Variants in ZNF28 observed in about 807,000 individuals in gnomAD.
ZNF28 encodes the protein zinc finger protein KOX24.
A neutral mutation model predicts 7.2 loss-of-function variants in ZNF28; 5 were observed. The observed-to-expected ratio is 0.70, with a 90% CI of 0.36 to 1.46. ZNF28 has a LOEUF of 1.46. Among genes scored for constraint, ZNF28 ranks in the 40% most tolerant of loss-of-function variants. ZNF28 has a pLI of 0.03. For missense variants in ZNF28, 879 were observed against 866.6 expected (o/e 1.01, Z -0.18); for synonymous variants, 288 against 292.4 (o/e 0.99, Z 0.15).
intron 1 of ZNF28, among the ~76,000 whole-genome samples, chr19:52,819,319 T>C (rs1476959242): frequency 7.0e-6 from 1 of 143,634 alleles, no homozygotes; most frequent in Non-Finnish European, 1.5e-5. Flanking sequence ...GATGTAGCTG[T>C]GATATTCTAA....
intron 2 of ZNF28, chr19:52,810,724 GGA>G (rs1461274734): frequency 4.2e-6 from 3 of 713,294 alleles, no homozygotes; most frequent in Non-Finnish European, 7.5e-6. Flanking sequence ...ATGTGTATTA[GGA>G]GAGAGAGGAA....
intron 2 of ZNF28, chr19:52,810,514 C>T (rs2063006078): frequency 6.3e-7 from 1 of 1,591,276 alleles, no homozygotes; most frequent in African/African-American, 1.3e-5. Context: ...GAAGGCAAAT[C>T]AAGGTGATCC....
chr19:52,818,885 GAA>G lies in ZNF28; in HGVS notation c.-73-856_-73-855del, dbSNP rs561203089. ...GAGGACAGAATGAGAGTCTGTTTGG[GAA>G]AAAAAAAAAAAAAAAAAGTGCATTT... On this transcript the variant is annotated intron_variant, in intron 1 of 3. Transcript: ENST00000457749. Among the ~76,000 whole-genome samples, 606 of 114,328 alleles carry G rather than the reference GAA, an allele frequency of 5.3e-3. 50 individuals carry two copies. Among genetic ancestry groups the G allele is most frequent in the African/African-American group, 0.022 (569 of 26,200 alleles). The allele number at this position is 114,328 out of a possible 152,430, so 75.0% of individuals were successfully genotyped here.
chr19:52,807,024 CAG>C (rs1423618235), intron 3 of ZNF28, among the ~76,000 whole-genome samples: 2 of 152,190 alleles, frequency 1.3e-5, no homozygotes, highest in Admixed American at 6.5e-5. Context: ...CTCCCACTTG[CAG>C]AGAGTTTCCC....
At chr19:52,802,243 C>T (rs923832517) in intron 3 of ZNF28, among the ~76,000 whole-genome samples, 2 of 152,126 alleles carry the variant, frequency 1.3e-5, no homozygotes, top group Non-Finnish European at 2.9e-5. Flanking sequence ...GTGGCCCGTG[C>T]CTGTACTCAC....
chr19:52,799,442 T>C lies in ZNF28; in HGVS notation c.*246A>G, dbSNP rs142480960. On this transcript the variant is annotated 3_prime_UTR_variant, in exon 4 of 4. Coordinates refer to ENST00000457749, the MANE Select transcript of ZNF28 (RefSeq NM_006969.5). ...TGTCACATTCTTCCTATTTGTAAAG[T>C]TTCTCTGCAGTATGAATTCTATGAT... 10 of 777,014 alleles carry C rather than the reference T, an allele frequency of 1.3e-5. No individual in the cohort carries two copies. Among genetic ancestry groups the C allele is most frequent in the African/African-American group, 1.0e-4 (6 of 57,162 alleles). 48.1% of individuals were successfully genotyped at this position (777,014 alleles called of 1,614,324 possible). A position where few individuals can be genotyped will look rare whatever the true frequency, so the allele number is the denominator to read the frequency against.
intron 3 of ZNF28, among the ~76,000 whole-genome samples, chr19:52,807,155 A>G (rs1264578816): frequency 1.3e-5 from 2 of 152,172 alleles, no homozygotes; most frequent in Non-Finnish European, 2.9e-5. Flanking sequence ...AACTCTCCAC[A>G]GTCCAGGGCT....
At chr19:52,808,308 C>A (rs2062963790) in intron 2 of ZNF28, among the ~76,000 whole-genome samples, 175 bp from the exon 3 acceptor site, 1 of 152,170 alleles carries the variant, frequency 6.6e-6, no homozygotes, top group African/African-American at 2.4e-5. Context: ...GATCAAGACA[C>A]ACTTTCAGTA....
At chr19:52,816,870 T>TAAA (rs1555807278) in intron 2 of ZNF28, among the ~76,000 whole-genome samples, 2 of 135,118 alleles carry the variant, frequency 1.5e-5, no homozygotes, top group African/African-American at 2.8e-5. Context: ...ATAATAATAA[T>TAAA]AAAACGTGGA....
Position 52,800,939 on chromosome 19 carries a change from T to G in ZNF28, c.906A>C (p.Glu302Asp). ...TGCGACTGAAAACTTTGTCACATTC[T>G]TCACATTCATAAGGTTTGTCTGCAG... ...LHTADKPYEC[E>D]ECDKVFSRKS... The change falls in exon 4 of 4, where the codon GAA (glutamate) becomes GAC (aspartate). Residue 302 changes from glutamate (E) to aspartate (D), a missense_variant. Physicochemically the swap from Glu to Asp is conservative, Grantham distance 45. Around this residue, in one of 2 missense-constraint regions of ZNF28, gnomAD observed 864 missense variants for 830.2 expected, o/e 1.04. Coordinates refer to ENST00000457749, the MANE Select transcript of ZNF28 (RefSeq NM_006969.5). The G allele has an allele frequency of 6.2e-7, 1 of 1,614,188 alleles. No individual in the cohort carries two copies. Among genetic ancestry groups the G allele is most frequent in the Non-Finnish European group, 8.5e-7 (1 of 1,180,038 alleles).
intron 2 of ZNF28, among the ~76,000 whole-genome samples, chr19:52,815,621 G>A (rs111648637): frequency 0.016 from 2,285 of 146,348 alleles, 393 homozygotes; most frequent in African/African-American, 0.058. Flanking sequence ...TCAGGAGATC[G>A]AGACCATCCT....
At position 52,814,504 on chromosome 19, in the gene ZNF28, G is replaced by C. The variant is rs1600474763; in HGVS notation, c.15+3440C>G. The C allele has an allele frequency of 1.4e-5, 2 of 145,950 alleles. 1 individual carries two copies. The highest frequency in any genetic ancestry group is 5.3e-5 in the African/African-American group (2 of 37,470). The allele number at this position is 145,950 out of a possible 1,614,324, so 9.0% of individuals were successfully genotyped here. The stretch of plus-strand genomic sequence containing the variant: ...AGCTACTTAGGAGGCTAAAACAGGA[G>C]AATCACTTGAACCTGGGAGGCAGAG... On this transcript the variant is annotated intron_variant, in intron 2 of 3. Transcript: ENST00000457749.
In ZNF28 at chr19:52,801,063, T is replaced by C. The variant is rs1310489747; in HGVS notation, c.782A>G (p.His261Arg). 2 of 1,614,198 alleles carry C rather than the reference T, an allele frequency of 1.2e-6. No homozygotes were observed. Among genetic ancestry groups the C allele is most frequent in the Non-Finnish European group, 1.7e-6 (2 of 1,180,034 alleles). Reference sequence around the variant, plus strand: ...TTTCTCATCAATGTGAGATCTACGATGGCATGCAAGGTATCGCTTCTGATT... The same window carrying C: ...TTTCTCATCAATGTGAGATCTACGACGGCATGCAAGGTATCGCTTCTGATT... The part of the protein sequence containing the change: ...VFNQKRYLAC[H>R]RRSHIDEKPY... Residue 261 changes from histidine to arginine, a missense_variant, in exon 4 of 4, where the codon CAT becomes CGT. Coordinates refer to ENST00000457749, the MANE Select transcript of ZNF28 (RefSeq NM_006969.5).
At chr19:52,810,593 C>A (rs1384049054) in intron 2 of ZNF28, 2 of 1,558,704 alleles carry the variant, frequency 1.3e-6, no homozygotes, top group Admixed American at 3.4e-5. Context: ...CTACCGCGCC[C>A]GACCACCAAC....
chr19:52,802,709 C>T (rs7250505), intron 3 of ZNF28, among the ~76,000 whole-genome samples: 133,301 of 151,154 alleles, frequency 0.88, 58,987 homozygotes, highest in East Asian at 0.91. Context: ...CATATTTTTC[C>T]AAATAACTGT....
Position 52,810,796 on chromosome 19 carries a change from T to C in ZNF28, c.16-2663A>G, listed in dbSNP as rs561778178. On this transcript the variant is annotated intron_variant, in intron 2 of 3. Transcript: ENST00000457749. ...AAAAAAACCCAAAAAAAACAGAAGA[T>C]GACCTTGATGGAAAAAAATATATAT... 2.1e-5 allele frequency: 9 copies of C among 433,050 alleles called. 2 individuals are homozygous for C. Among genetic ancestry groups the C allele is most frequent in the African/African-American group, 1.3e-4 (6 of 44,966 alleles). The allele number at this position is 433,050 out of a possible 1,614,324, so 26.8% of individuals were successfully genotyped here.
intron 2 of ZNF28, among the ~76,000 whole-genome samples, chr19:52,809,486 G>C (rs1331079894): frequency 6.6e-6 from 1 of 152,188 alleles, no homozygotes; most frequent in African/African-American, 2.4e-5. Context: ...GAGGGTGGAG[G>C]GTGGGAGGAA....
At chr19:52,806,090 C>G (rs2062933704) in intron 3 of ZNF28, 1 of 152,158 alleles carries the variant, frequency 6.6e-6, no homozygotes, top group South Asian at 2.1e-4. Context: ...ATGAAAAACA[C>G]TGTACATATA....
Position 52,808,089 on chromosome 19 carries a change from C to G in ZNF28, c.60G>C (p.Glu20Asp), listed in dbSNP as rs1240011787. 1 of 1,613,482 alleles carries G rather than the reference C, an allele frequency of 6.2e-7. No individual in the cohort carries two copies. Among genetic ancestry groups the G allele is most frequent in the Admixed American group, 1.7e-5 (1 of 59,974 alleles). ...FRDVAIEFSQ[E>D]EWKCLDPAQR... Reference sequence around the variant, plus strand: ...GAGCAGGGTCCAGGCATTTCCACTCCTCCTGAGAGAATTCTATGGCCACGT... The same window carrying G: ...GAGCAGGGTCCAGGCATTTCCACTCGTCCTGAGAGAATTCTATGGCCACGT... The change falls in exon 3 of 4, where the codon GAG (glutamate) becomes GAC (aspartate). Residue 20 changes from glutamate (E) to aspartate (D), a missense_variant. Glu to Asp is a conservative substitution (Grantham distance 45). Coordinates refer to ENST00000457749, the MANE Select transcript of ZNF28 (RefSeq NM_006969.5).
Sources: gnomAD v4.1 joint callset for allele counts (sites outside exome capture counted in the v4.1 genomes callset) on GRCh38, gnomAD v4.1.1 for gene constraint, gnomAD v4.1.1 regional missense constraint, MANE v1.5 for transcripts, NCBI Gene and HGNC (gene_info 2026-07-23, HGNC 2026-07-21) for gene names.